Variants in HPSE2 observed in about 807,000 individuals in gnomAD.
HPSE2 encodes inactive heparanase-2.
A neutral mutation model predicts 60.5 loss-of-function variants in HPSE2; 38 were observed. The observed-to-expected ratio is 0.63, with a 90% confidence interval of 0.48 to 0.82. HPSE2 has a LOEUF of 0.82. HPSE2 is among the 40% of genes least tolerant of loss of function. HPSE2 has a pLI of 0.00. For synonymous variants in HPSE2, 295 were observed against 293.2 expected (o/e 1.01, Z -0.06); for missense variants, 713 against 740.4 (o/e 0.96, Z 0.43).
chr10:98,512,812 AACACAC>A (rs71007394), intron 9 of HPSE2, among the ~76,000 whole-genome samples: 4 of 124,546 alleles, frequency 3.2e-5, no homozygotes, highest in African/African-American at 8.6e-5. Context: ...CCCACCCCCC[AACACAC>A]ACACACACAC....
intron 9 of HPSE2, among the ~76,000 whole-genome samples, chr10:98,515,157 A>G (rs1442157817): frequency 6.6e-6 from 1 of 152,112 alleles, no homozygotes; most frequent in Non-Finnish European, 1.5e-5. Context: ...GCTGGAGGTG[A>G]TTTATTCCAT....
At chr10:98,959,886 C>T (rs1418327549) in intron 3 of HPSE2, among the ~76,000 whole-genome samples, 1 of 152,126 alleles carries the variant, frequency 6.6e-6, no homozygotes, top group Non-Finnish European at 1.5e-5. Context: ...TATCCCTCCT[C>T]CTCTTCTTTC....
At chr10:99,306,362 C>T in the HPSE2 span, among the ~76,000 whole-genome samples, 1 of 152,100 alleles carries the variant, frequency 6.6e-6, no homozygotes, top group African/African-American at 2.4e-5. Flanking sequence ...GCAAGAAGTT[C>T]AAACCACGTA....
At chr10:98,672,707 C>T (rs1947538039) in intron 6 of HPSE2, among the ~76,000 whole-genome samples, 1 of 152,132 alleles carries the variant, frequency 6.6e-6, no homozygotes, top group South Asian at 2.1e-4. Context: ...AGTAGCTGGG[C>T]TCACTCTCAA....
chr10:98,670,097 T>A (rs950099554), intron 6 of HPSE2, among the ~76,000 whole-genome samples: 1 of 152,142 alleles, frequency 6.6e-6, no homozygotes, highest in African/African-American at 2.4e-5. Context: ...ATTGTCATGT[T>A]TCAAGGAACA....
upstream of HPSE2, among the ~76,000 whole-genome samples, chr10:99,237,376 A>G (rs1849886402): frequency 6.6e-6 from 1 of 152,184 alleles, no homozygotes. Context: ...AAGCCCAGCA[A>G]ACGCTGTAAT....
intron 6 of HPSE2, among the ~76,000 whole-genome samples, chr10:98,687,174 T>C (rs1227242940): frequency 6.6e-6 from 1 of 152,226 alleles, no homozygotes; most frequent in African/African-American, 2.4e-5. Context: ...ATTTATTCTC[T>C]TATAGTTCCA....
intron 3 of HPSE2, among the ~76,000 whole-genome samples, chr10:99,005,228 T>C (rs1173445010): frequency 6.7e-6 from 1 of 149,484 alleles, no homozygotes; most frequent in Non-Finnish European, 1.5e-5. Context: ...TCTGTTACTA[T>C]TTCTTTCAGT....
chr10:99,102,371 A>G (rs1305683653), intron 3 of HPSE2, among the ~76,000 whole-genome samples: 1 of 152,238 alleles, frequency 6.6e-6, no homozygotes, highest in African/African-American at 2.4e-5. Flanking sequence ...GAAATAAACG[A>G]GAAAATCTAG....
At chr10:99,066,027 G>A (rs1252312455) in intron 3 of HPSE2, among the ~76,000 whole-genome samples, 2 of 152,206 alleles carry the variant, frequency 1.3e-5, no homozygotes, top group Non-Finnish European at 2.9e-5. Flanking sequence ...GCAGGCAGCT[G>A]GGAAAATTGT....
At chr10:99,112,407 TTTTTGTTGTG>T (rs1844498902) in intron 3 of HPSE2, among the ~76,000 whole-genome samples, 1 of 130,846 alleles carries the variant, frequency 7.6e-6, no homozygotes, top group African/African-American at 2.9e-5. Flanking sequence ...GCCCGGCTTT[TTTTTGTTGTG>T]TTTTGTTTTG....
chr10:99,033,663 GTCCCAGCTAT>G lies in HPSE2; in HGVS notation c.610+110565_610+110574del, dbSNP rs1458882536. Among the ~76,000 whole-genome samples, 4 of 152,032 alleles carry G rather than the reference GTCCCAGCTAT, an allele frequency of 2.6e-5. No homozygotes were observed. The East Asian group carries it at 7.7e-4, about 29-fold the overall frequency. On this transcript the variant is annotated intron_variant, in intron 3 of 11. Transcript: ENST00000370552. ...CCAAGCATGGTGGTAGGCGCCCATAGTCCCAGCTATTCAGGAGGCTGAGGCAGGAGAATAG... is the reference window on the plus strand; with the variant it reads ...CCAAGCATGGTGGTAGGCGCCCATAGTCAGGAGGCTGAGGCAGGAGAATAG...
intron 3 of HPSE2, among the ~76,000 whole-genome samples, chr10:99,112,597 C>T (rs372004423): frequency 2.0e-5 from 3 of 152,160 alleles, no homozygotes; most frequent in East Asian, 3.9e-4. Context: ...CCAAAAATGA[C>T]TATTTCAAAT....
At chr10:98,553,756 C>T (rs746107699) in intron 9 of HPSE2, among the ~76,000 whole-genome samples, 3 of 152,130 alleles carry the variant, frequency 2.0e-5, no homozygotes, top group Admixed American at 6.6e-5. Flanking sequence ...ATAAGAAAGA[C>T]GAATTTAATT....
intron 2 of HPSE2, among the ~76,000 whole-genome samples, chr10:99,220,258 A>G (rs1849263320): frequency 6.6e-6 from 1 of 152,168 alleles, no homozygotes; most frequent in Non-Finnish European, 1.5e-5. Context: ...TATAGCACAA[A>G]TAACAAACAG....
At chr10:99,064,958 T>C (rs11189954) in intron 3 of HPSE2, among the ~76,000 whole-genome samples, 12,816 of 152,168 alleles carry the variant, frequency 0.084, 649 homozygotes, top group South Asian at 0.19. Context: ...CCTCCTCTAC[T>C]ATTATTCTCA....
chr10:98,496,190 C>T (rs926591152), intron 9 of HPSE2, among the ~76,000 whole-genome samples: 6 of 151,914 alleles, frequency 3.9e-5, no homozygotes, highest in African/African-American at 7.3e-5. Context: ...CTTGGGTATG[C>T]GTACTTTCTA....
intron 9 of HPSE2, among the ~76,000 whole-genome samples, chr10:98,552,181 G>A (rs534983179): frequency 5.5e-4 from 83 of 152,236 alleles, no homozygotes; most frequent in African/African-American, 1.9e-3. Flanking sequence ...GGGATATGCT[G>A]ATATTTAGAT....
At chr10:98,652,803 ATCCTGT>A (rs1282143586) in intron 6 of HPSE2, among the ~76,000 whole-genome samples, 2 of 152,166 alleles carry the variant, frequency 1.3e-5, no homozygotes, top group African/African-American at 4.8e-5. Flanking sequence ...GTGGTTATTA[ATCCTGT>A]CTGAATTTGC....
Sources: allele counts gnomAD v4.1 joint callset (sites outside exome capture counted in the v4.1 genomes callset), GRCh38; gene constraint gnomAD v4.1.1; transcripts MANE v1.5; gene names NCBI Gene and HGNC (gene_info 2026-07-23, HGNC 2026-07-21).